Variants in DHX30 observed in about 807,000 individuals in gnomAD.
The protein encoded by DHX30 is DExH-box helicase 30, also known as ATP-dependent RNA helicase DHX30.
Under a neutral mutation model 116.9 loss-of-function variants are expected in DHX30, and 4 were observed. The ratio of observed to expected loss-of-function variants is 0.03; its 90% CI spans 0.02 to 0.08. The LOEUF (loss-of-function observed/expected upper bound fraction) is 0.08. Ranked by LOEUF, DHX30 falls within the 10% of genes least tolerant of loss-of-function variation. The pLI, the probability that DHX30 is intolerant of heterozygous loss-of-function variation, is 1.00. For synonymous variants in DHX30, 697 were observed against 651.7 expected (o/e 1.07, Z -1.06); for missense variants, 871 against 1,595.1 (o/e 0.55, Z 7.73).
intron 6 of DHX30, among the ~76,000 whole-genome samples, chr3:47,837,181 A>G (rs1198547622): frequency 1.3e-5 from 2 of 152,184 alleles, no homozygotes; most frequent in African/African-American, 4.8e-5. Context: ...TGTGGCTTAG[A>G]GCCCGGGTGA....
At chr3:47,814,228 C>T (rs1170398081) in intron 3 of DHX30, among the ~76,000 whole-genome samples, 1 of 148,468 alleles carries the variant, frequency 6.7e-6, no homozygotes, top group Non-Finnish European at 1.5e-5. Context: ...AGTTCGAGAC[C>T]AGCCTGGCCA....
At chr3:47,808,366 A>G (rs759431147) in intron 2 of DHX30, among the ~76,000 whole-genome samples, 1 of 151,376 alleles carries the variant, frequency 6.6e-6, no homozygotes, top group Non-Finnish European at 1.5e-5. Flanking sequence ...GCAAGCATGT[A>G]CCACCACACC....
At chr3:47,835,170 ATT>A (rs552610417) in intron 6 of DHX30, among the ~76,000 whole-genome samples, 26 of 106,466 alleles carry the variant, frequency 2.4e-4, no homozygotes, top group Admixed American at 2.8e-4. Flanking sequence ...TGCCTGGCTA[ATT>A]TTTTTTTTTT....
rs781373322 is a variant in DHX30 at position 47,850,115 on chromosome 3, G to A, written c.3580G>A (p.Asp1194Asn). 4.4e-6 allele frequency: 7 copies of A among 1,587,244 alleles called. No homozygotes were observed. The highest frequency in any genetic ancestry group is 1.1e-5 in the South Asian group (1 of 88,828). Reference protein sequence around the residue: ...GSFDVRKTADD With the variant: ...GSFDVRKTADN ...CTTTGATGTGCGCAAGACAGCTGAC[G>A]ACTGAGCCCTGCTTCTGCTGGGGCT... The change falls in exon 22 of 22, where the codon GAC becomes AAC. Residue 1194 changes from aspartate to asparagine, a missense_variant. Asp to Asn is a conservative substitution (Grantham distance 23). This residue lies in a region of DHX30 where 52 missense variants were observed against 50.1 expected (regional missense o/e 1.04). Coordinates refer to ENST00000445061, the MANE Select transcript of DHX30 (RefSeq NM_138615.3).
intron 3 of DHX30, among the ~76,000 whole-genome samples, chr3:47,812,917 G>A (rs967477109): frequency 2.0e-5 from 3 of 151,608 alleles, no homozygotes; most frequent in African/African-American, 7.3e-5. Flanking sequence ...CGCCCATCTC[G>A]GCCTCCCAAA....
At chr3:47,824,333 G>C (rs1457659556) in intron 4 of DHX30, among the ~76,000 whole-genome samples, 3 of 151,988 alleles carry the variant, frequency 2.0e-5, no homozygotes, top group Non-Finnish European at 4.4e-5. Flanking sequence ...TGGACTTTAC[G>C]CTGGACCAGC....
In DHX30 at chr3:47,846,524, C is replaced by T. The variant is rs1376059388; in HGVS notation, c.1452C>T (p.Cys484=). 2 of 1,613,986 alleles carry T rather than the reference C, an allele frequency of 1.2e-6. No individual in the cohort carries two copies. The highest frequency in any genetic ancestry group is 1.7e-6 in the Non-Finnish European group (2 of 1,180,046). ...RYVTEGRGAR[C]NVIITQPRRI... ...TGACCGAGGGCCGAGGTGCCCGCTG[C>T]AATGTTATCATCACCCAACCTCGCC... The change falls in exon 11 of 22, where the codon TGC becomes TGT. Residue 484 remains cysteine, a synonymous_variant. Transcript: ENST00000445061.
At chr3:47,829,375 AC>A (rs1175535185) in intron 6 of DHX30, among the ~76,000 whole-genome samples, 1 of 109,214 alleles carries the variant, frequency 9.2e-6, no homozygotes, top group Non-Finnish European at 1.7e-5. Flanking sequence ...TCAGAGTTTC[AC>A]TCTGTTGCCC....
rs770033179 is a variant in DHX30 at position 47,848,844 on chromosome 3, G to A, written c.2769+27G>A. On this transcript the variant is annotated intron_variant, in intron 17 of 21. Transcript: ENST00000445061. This position sits in a 1 kb window ranked among gnomAD's most constrained non-coding sequence, Gnocchi z 9.4. ...TCAGTCCTGGCTCCTTCCTGGAGCC[G>A]TCCACCCACTGCTGTTCTGAGGGGG... The A allele has an allele frequency of 2.6e-5, 42 of 1,601,778 alleles. No homozygotes were observed. Among genetic ancestry groups the A allele is most frequent in the East Asian group, 4.5e-5 (2 of 44,550 alleles).
intron 6 of DHX30, among the ~76,000 whole-genome samples, chr3:47,837,280 G>C (rs1426421238): frequency 6.6e-6 from 1 of 152,198 alleles, no homozygotes; most frequent in African/African-American, 2.4e-5. Flanking sequence ...GAACTCCAGG[G>C]CCTTCACTGT....
intron 4 of DHX30, among the ~76,000 whole-genome samples, chr3:47,819,556 T>C (rs564938729): frequency 6.6e-6 from 1 of 152,198 alleles, no homozygotes; most frequent in Admixed American, 6.5e-5. Context: ...CAACAGCCCC[T>C]CTTGGCCTGC....
intron 9 of DHX30, among the ~76,000 whole-genome samples, chr3:47,844,147 G>A (rs1055093010): frequency 3.9e-5 from 6 of 152,180 alleles, no homozygotes; most frequent in Admixed American, 3.3e-4. Flanking sequence ...ATAGAAATGG[G>A]CCTGCTTTAC....
At chr3:47,844,740 G>A (rs2037525080) in intron 9 of DHX30, among the ~76,000 whole-genome samples, 1 of 152,236 alleles carries the variant, frequency 6.6e-6, no homozygotes, top group South Asian at 2.1e-4. Flanking sequence ...ACCCATGTGC[G>A]TGAGGTATTG....
intron 6 of DHX30, chr3:47,831,132 A>G (rs953172653): frequency 2.0e-5 from 3 of 152,032 alleles, no homozygotes; most frequent in African/African-American, 7.3e-5. Flanking sequence ...AAAAAAAAAA[A>G]AGAGGTTTAT....
intron 2 of DHX30, among the ~76,000 whole-genome samples, chr3:47,806,539 G>A (rs1432531090): frequency 1.3e-5 from 2 of 150,532 alleles, no homozygotes; most frequent in Admixed American, 6.6e-5. Flanking sequence ...TCCGCCTCCC[G>A]GGTTCAAGCG....
At chr3:47,831,112 A>G (rs1422858178) in intron 6 of DHX30, 1 of 151,742 alleles carries the variant, frequency 6.6e-6, no homozygotes, top group Admixed American at 6.6e-5. Flanking sequence ...GAGACTGGGT[A>G]ATGTATTAAA....
chr3:47,819,527 TCTCTCTCTCAGCTAGAAGCAACAG>T (rs2036206857), intron 4 of DHX30, among the ~76,000 whole-genome samples: 1 of 152,136 alleles, frequency 6.6e-6, no homozygotes, highest in East Asian at 1.9e-4. Flanking sequence ...CATTTTGCCT[TCTCTCTCTCAGCTAGAAGCAACAG>T]CCCCTCTTGG....
At position 47,849,086 on chromosome 3, in the gene DHX30, C is replaced by T. The variant is rs190126898; in HGVS notation, c.2929+7C>T. On this transcript the variant is annotated splice_region_variant and intron_variant, in intron 18 of 21. Coordinates refer to ENST00000445061, the MANE Select transcript of DHX30 (RefSeq NM_138615.3). ...AGCCTGCGCTTCATCCACGGTCAGT[C>T]GGGCCCACACCTGCTCTCCTGAGCC... 9.9e-5 allele frequency: 160 copies of T among 1,609,468 alleles called. No individual in the cohort carries two copies. The highest frequency in any genetic ancestry group is 1.7e-4 in the Middle Eastern group (1 of 6,056).
intron 5 of DHX30, among the ~76,000 whole-genome samples, chr3:47,827,956 T>C (rs558490551): frequency 6.6e-6 from 1 of 152,146 alleles, no homozygotes; most frequent in East Asian, 1.9e-4. Flanking sequence ...ACTCCTGGGA[T>C]CAAGTGATCC....
Sources: allele counts gnomAD v4.1 joint callset (sites outside exome capture counted in the v4.1 genomes callset), GRCh38; gene constraint gnomAD v4.1.1; regional missense constraint gnomAD v4.1.1; non-coding constraint Gnocchi (gnomAD v3.1); transcripts MANE v1.5; gene names NCBI Gene and HGNC (gene_info 2026-07-23, HGNC 2026-07-21).